The following ARSK variants were observed in gnomAD, a reference collection of about 807,000 sequenced individuals.
ARSK encodes the protein arylsulfatase K.
ARSK carries 37 observed loss-of-function variants against 53.2 expected under a neutral mutation model. The observed-to-expected ratio is 0.70, with a 90% CI of 0.54 to 0.92. ARSK has a LOEUF of 0.92. Ranked by LOEUF, ARSK falls within the 40% of genes least tolerant of loss-of-function variation. The pLI, the probability that ARSK is intolerant of heterozygous loss-of-function variation, is 0.00. For synonymous variants in ARSK, 208 were observed against 223.2 expected (o/e 0.93, Z 0.61); for missense variants, 613 against 643.0 (o/e 0.95, Z 0.51).
intron 3 of ARSK, among the ~76,000 whole-genome samples, chr5:95,573,771 A>G (rs1045870833): frequency 6.6e-6 from 1 of 152,334 alleles, no homozygotes; most frequent in Non-Finnish European, 1.5e-5. Flanking sequence ...AGACTTAGGG[A>G]GTACAGTAGA....
chr5:95,580,380 G>A (rs1749001733), intron 3 of ARSK, among the ~76,000 whole-genome samples: 3 of 152,318 alleles, frequency 2.0e-5, no homozygotes, highest in Non-Finnish European at 1.5e-5. Context: ...CTGAGCATAT[G>A]AGCGAAAGAT....
At position 95,555,143 on chromosome 5, in the gene ARSK, A is replaced by G; in HGVS notation, c.-136A>G. Reference sequence around the variant, plus strand: ...GATAGGAGTTGTAGTTCTGCGGGTGAAGCTCGGCGTTACTATCAAGCAACC... The same window carrying G: ...GATAGGAGTTGTAGTTCTGCGGGTGGAGCTCGGCGTTACTATCAAGCAACC... On this transcript the variant is annotated 5_prime_UTR_variant, in exon 1 of 8. Coordinates refer to ENST00000380009, the MANE Select transcript of ARSK (RefSeq NM_198150.3). The surrounding 1 kb of genome is among the most constrained non-coding windows in gnomAD (Gnocchi z 4.0). 2 of 699,724 alleles carry G rather than the reference A, an allele frequency of 2.9e-6. No individual in the cohort carries two copies. The highest frequency in any genetic ancestry group is 4.5e-6 in the Non-Finnish European group (2 of 440,308). The allele number at this position is 699,724 out of a possible 1,614,324, so 43.3% of individuals were successfully genotyped here. A position where few individuals can be genotyped will look rare whatever the true frequency, so the allele number is the denominator to read the frequency against.
chr5:95,563,671 G>A (rs1442567854), intron 1 of ARSK, among the ~76,000 whole-genome samples: 1 of 152,222 alleles, frequency 6.6e-6, no homozygotes, highest in Non-Finnish European at 1.5e-5. Flanking sequence ...ATATGCTGCA[G>A]TAGTCATTTG....
chr5:95,585,381 G>A (rs1749095259), intron 4 of ARSK, among the ~76,000 whole-genome samples: 1 of 152,172 alleles, frequency 6.6e-6, no homozygotes, highest in Non-Finnish European at 1.5e-5. Context: ...CGTGTTTATA[G>A]CAGCACAATT....
intron 3 of ARSK, among the ~76,000 whole-genome samples, chr5:95,578,069 T>TAAAAACA (rs1748955789): frequency 6.6e-6 from 1 of 152,210 alleles, no homozygotes; most frequent in East Asian, 1.9e-4. Flanking sequence ...AGACTGTTTT[T>TAAAAACA]GGGAGTGATC....
At chr5:95,601,184 C>T in intron 7 of ARSK, 113 bp downstream of exon 7, 3 of 1,044,374 alleles carry the variant, frequency 2.9e-6, no homozygotes, top group Non-Finnish European at 1.4e-6. Flanking sequence ...TCTGCTGCTT[C>T]TCATGCTAGG....
Position 95,560,626 on chromosome 5 carries a change from A to G in ARSK, c.126+5222A>G, listed in dbSNP as rs556941015. ...TGATCTTTTAAACAAATGGTGCTGG[A>G]AAAAAAAAATATGAATGAAGTTGGA... On this transcript the variant is annotated intron_variant, in intron 1 of 7. Transcript: ENST00000380009. 6.0e-5 allele frequency among the ~76,000 whole-genome samples: 9 copies of G among 149,634 alleles called. No homozygotes were observed. In the East Asian group the frequency reaches 1.4e-3, roughly 23 times the overall value.
At position 95,604,056 on chromosome 5, in the gene ARSK, A is replaced by C. The variant is rs1320389371; in HGVS notation, c.*530A>C. 6.6e-6 allele frequency: 1 copy of C among 152,240 alleles called. No individual in the cohort carries two copies. Among genetic ancestry groups the C allele is most frequent in the East Asian group, 1.9e-4 (1 of 5,204 alleles). The allele number at this position is 152,240 out of a possible 1,614,324, so 9.4% of individuals were successfully genotyped here. Reference sequence around the variant, plus strand: ...GCCTTTGTACAATTTCTAACAATTTAGTGGAAGTATCAAAAGAATTGAAGC... The same window carrying C: ...GCCTTTGTACAATTTCTAACAATTTCGTGGAAGTATCAAAAGAATTGAAGC... On this transcript the variant is annotated 3_prime_UTR_variant, in exon 8 of 8. Transcript: ENST00000380009.
chr5:95,565,558 A>AT (rs1748712103), intron 1 of ARSK, among the ~76,000 whole-genome samples: 2 of 151,874 alleles, frequency 1.3e-5, no homozygotes, highest in African/African-American at 4.8e-5. Context: ...TGTATCTCGG[A>AT]TTTTTTTCAA....
At chr5:95,582,440 G>A (rs571918444) in intron 3 of ARSK, among the ~76,000 whole-genome samples, 2 of 152,160 alleles carry the variant, frequency 1.3e-5, no homozygotes, top group East Asian at 1.9e-4. Context: ...AAAAGATAGA[G>A]CTGGAAACAA....
At position 95,555,268 on chromosome 5, in the gene ARSK, C is replaced by T. The variant is rs762532926; in HGVS notation, c.-11C>T. Reference sequence around the variant, plus strand: ...TGGCCCGGCGGCAGGCTCTCAGAACCGCTACCGGCGATGCTACTGCTGTGG... The same window carrying T: ...TGGCCCGGCGGCAGGCTCTCAGAACTGCTACCGGCGATGCTACTGCTGTGG... On this transcript the variant is annotated 5_prime_UTR_variant, in exon 1 of 8. Coordinates refer to ENST00000380009, the MANE Select transcript of ARSK (RefSeq NM_198150.3). The surrounding 1 kb of genome is among the most constrained non-coding windows in gnomAD (Gnocchi z 4.0). The T allele has an allele frequency of 1.3e-6, 2 of 1,590,168 alleles. No homozygotes were observed. Among genetic ancestry groups the T allele is most frequent in the South Asian group, 2.2e-5 (2 of 90,628 alleles).
At chr5:95,585,855 C>G (rs1749103063) in intron 4 of ARSK, among the ~76,000 whole-genome samples, 1 of 152,104 alleles carries the variant, frequency 6.6e-6, no homozygotes, top group Non-Finnish European at 1.5e-5. Flanking sequence ...ACGATTTAGT[C>G]CATCCTATTT....
chr5:95,582,186 A>G (rs926734766), intron 3 of ARSK, among the ~76,000 whole-genome samples: 4 of 152,174 alleles, frequency 2.6e-5, no homozygotes, highest in African/African-American at 9.6e-5. Context: ...AGAAATGCCC[A>G]GGACTGCTTT....
intron 5 of ARSK, 45 bp from the exon 6 acceptor site, chr5:95,591,356 C>G: frequency 1.3e-6 from 2 of 1,493,498 alleles, no homozygotes; most frequent in Non-Finnish European, 1.9e-6. Flanking sequence ...TAGAATAAAA[C>G]ATGAACTGAA....
chr5:95,598,463 A>C lies in ARSK; in HGVS notation c.1097-2384A>C, dbSNP rs114726657. Among the ~76,000 whole-genome samples the C allele has an allele frequency of 8.4e-3, 1,282 of 152,290 alleles. 14 individuals are homozygous for C. Among genetic ancestry groups the C allele is most frequent in the African/African-American group, 0.029 (1,218 of 41,548 alleles). On this transcript the variant is annotated intron_variant, in intron 6 of 7. Transcript: ENST00000380009. ...TTATTAAATATTATGGATATTTCGCATGGGTTTTATCAATTTACAAAGGTA... is the reference window on the plus strand; with the variant it reads ...TTATTAAATATTATGGATATTTCGCCTGGGTTTTATCAATTTACAAAGGTA...
At chr5:95,561,063 C>T (rs1486123042) in intron 1 of ARSK, among the ~76,000 whole-genome samples, 1 of 152,164 alleles carries the variant, frequency 6.6e-6, no homozygotes, top group East Asian at 1.9e-4. Flanking sequence ...CCCGCCTAGG[C>T]CTCCCAAAGT....
chr5:95,591,248 A>G (rs923756659), intron 5 of ARSK, among the ~76,000 whole-genome samples, 153 bp from the exon 6 acceptor site: 4 of 152,300 alleles, frequency 2.6e-5, no homozygotes, highest in Non-Finnish European at 5.9e-5. Flanking sequence ...GACCACTGTC[A>G]ACTTTAGACT....
At chr5:95,599,544 G>A (rs1749363465) in intron 6 of ARSK, among the ~76,000 whole-genome samples, 1 of 152,134 alleles carries the variant, frequency 6.6e-6, no homozygotes, top group African/African-American at 2.4e-5. Flanking sequence ...TTTCACCCAG[G>A]CAAGGCTTCT....
At chr5:95,560,895 C>T (rs1481401531) in intron 1 of ARSK, among the ~76,000 whole-genome samples, 6 of 151,376 alleles carry the variant, frequency 4.0e-5, no homozygotes, top group Non-Finnish European at 8.8e-5. Flanking sequence ...ACTTCTGCCT[C>T]CCAGGTTCAA....
Sources: gnomAD v4.1 joint callset for allele counts (sites outside exome capture counted in the v4.1 genomes callset) on GRCh38, gnomAD v4.1.1 for gene constraint, Gnocchi (gnomAD v3.1) non-coding constraint, MANE v1.5 for transcripts, NCBI Gene and HGNC (gene_info 2026-07-23, HGNC 2026-07-21) for gene names.